Variants in ASCC3 observed in about 807,000 individuals in gnomAD.
The protein encoded by ASCC3 is ASC-1 complex subunit P200.
A neutral mutation model predicts 256.3 loss-of-function variants in ASCC3; 158 were observed. That is an observed-to-expected ratio of 0.62 (90% CI 0.54 to 0.70). ASCC3 has a LOEUF of 0.70. Among genes scored for constraint, ASCC3 ranks in the 30% least tolerant of loss-of-function variants. ASCC3 has a pLI of 0.00. For missense variants in ASCC3, 2,259 were observed against 2,626.0 expected, an observed-to-expected ratio of 0.86 and a Z score of 3.05; for synonymous variants, 948 against 883.4, an observed-to-expected ratio of 1.07 and a Z score of -1.30.
intron 25 of ASCC3, among the ~76,000 whole-genome samples, chr6:100,635,180 A>AAT (rs1452410889): frequency 8.6e-5 from 13 of 151,768 alleles, no homozygotes; most frequent in Non-Finnish European, 1.6e-4. Flanking sequence ...AAGAAATTGT[A>AAT]ATATATATAT....
intron 10 of ASCC3, among the ~76,000 whole-genome samples, chr6:100,736,394 CA>C: frequency 6.6e-6 from 1 of 152,080 alleles, no homozygotes; most frequent in South Asian, 2.1e-4. Flanking sequence ...CCCAGCTACT[CA>C]GAAGCTGAGG....
intron 10 of ASCC3, among the ~76,000 whole-genome samples, chr6:100,764,978 A>G (rs1781583183): frequency 6.6e-6 from 1 of 152,162 alleles, no homozygotes; most frequent in South Asian, 2.1e-4. Flanking sequence ...TAGTATCCTT[A>G]AAAAAGGGGA....
At chr6:100,867,467 C>A (rs1455981934) in intron 2 of ASCC3, among the ~76,000 whole-genome samples, 1 of 152,060 alleles carries the variant, frequency 6.6e-6, no homozygotes, top group Admixed American at 6.5e-5. Context: ...ATGAGATCAG[C>A]CTCTGAGTTC....
At chr6:100,674,730 T>C (rs530675867) in intron 14 of ASCC3, among the ~76,000 whole-genome samples, 1 of 151,700 alleles carries the variant, frequency 6.6e-6, no homozygotes, top group South Asian at 2.1e-4. Flanking sequence ...CCTCCCAAGT[T>C]CAAGCGATTC....
Position 100,509,926 on chromosome 6 carries a change from T to C in ASCC3, c.6461+6A>G, listed in dbSNP as rs779597348. 25 of 1,612,440 alleles carry C rather than the reference T, an allele frequency of 1.6e-5. No individual in the cohort carries two copies. The highest frequency in any genetic ancestry group is 2.1e-5 in the Non-Finnish European group (25 of 1,178,836). On this transcript the variant is annotated splice_donor_region_variant and intron_variant, in intron 41 of 41. Coordinates refer to ENST00000369162, the MANE Select transcript of ASCC3 (RefSeq NM_006828.4). The stretch of plus-strand genomic sequence containing the variant: ...AAGAGAACTTTGGTAGTAGGATTCT[T>C]CTTACCTTCCAGGTATTTCAGGGGT...
chr6:100,723,888 A>AAT lies in ASCC3; in HGVS notation c.1902+1650_1902+1651insAT, dbSNP rs1419554379. 2.7e-5 allele frequency among the ~76,000 whole-genome samples: 3 copies of AAT among 112,918 alleles called. No individual in the cohort carries two copies. In the East Asian group the frequency reaches 9.8e-4, roughly 37 times the overall value. The allele number at this position is 112,918 out of a possible 152,430, so 74.1% of individuals were successfully genotyped here. ...TATATATATATATATATATATATAT[A>AAT]TATATATATTTATAATTATATATAT... On this transcript the variant is annotated intron_variant, in intron 11 of 41. Transcript: ENST00000369162.
chr6:100,798,917 C>T (rs1466315808), intron 7 of ASCC3, 79 bp from the exon 8 acceptor site: 7 of 1,250,394 alleles, frequency 5.6e-6, no homozygotes, highest in Non-Finnish European at 7.9e-6. Context: ...TAGAGAGAGA[C>T]AGAAAACACT....
At position 100,799,471 on chromosome 6, in the gene ASCC3, G is replaced by T. The variant is rs1275511794; in HGVS notation, c.1229C>A (p.Ala410Asp). ...AAATGCTGATGTTTTCATGGCTTCA[G>T]CCTGGGAATCATACACATGGGGATA... The part of the protein sequence containing the change: ...IHYPHVYDSQ[A>D]EAMKTSAFIA... Residue 410 changes from alanine (A) to aspartate (D), a missense_variant, in exon 7 of 42, where the codon GCT (alanine) becomes GAT (aspartate). Ala to Asp is a moderately radical substitution (Grantham distance 126, BLOSUM62 -2). Around this residue, in one of 2 missense-constraint regions of ASCC3, gnomAD observed 1,839 missense variants for 2,206.7 expected, o/e 0.83. Coordinates refer to ENST00000369162, the MANE Select transcript of ASCC3 (RefSeq NM_006828.4). 16 of 1,612,892 alleles carry T rather than the reference G, an allele frequency of 9.9e-6. No homozygotes were observed. Among genetic ancestry groups the T allele is most frequent in the Non-Finnish European group, 1.3e-5 (15 of 1,179,456 alleles).
chr6:100,814,647 A>G (rs941333560), intron 4 of ASCC3, among the ~76,000 whole-genome samples: 2 of 152,108 alleles, frequency 1.3e-5, no homozygotes, highest in Admixed American at 1.3e-4. Flanking sequence ...TAGGGAATCA[A>G]TGTCTTCCTG....
At chr6:100,800,172 C>A (rs976531810) in intron 6 of ASCC3, 128 bp downstream of exon 6, 10 of 984,914 alleles carry the variant, frequency 1.0e-5, no homozygotes, top group Non-Finnish European at 1.5e-5. Flanking sequence ...ATAAAACAAA[C>A]TTCTATGAAG....
At chr6:100,611,677 T>C (rs1773403384) in intron 30 of ASCC3, among the ~76,000 whole-genome samples, 2 of 151,978 alleles carry the variant, frequency 1.3e-5, no homozygotes, top group African/African-American at 2.4e-5. Context: ...CTAAAGAGTA[T>C]AGTTTCTTAG....
At chr6:100,841,686 T>TA (rs5878648) in intron 4 of ASCC3, among the ~76,000 whole-genome samples, 7 of 149,380 alleles carry the variant, frequency 4.7e-5, no homozygotes, top group Admixed American at 6.7e-5. Flanking sequence ...TTGTGCATAT[T>TA]AAAAAAAAAA....
intron 37 of ASCC3, among the ~76,000 whole-genome samples, chr6:100,534,595 AC>A (rs1226080599): frequency 6.6e-6 from 1 of 152,212 alleles, no homozygotes; most frequent in Non-Finnish European, 1.5e-5. Context: ...AATATTGTAA[AC>A]AAATTTTAAA....
At chr6:100,675,901 T>C (rs938598430) in intron 14 of ASCC3, among the ~76,000 whole-genome samples, 4 of 152,162 alleles carry the variant, frequency 2.6e-5, no homozygotes, top group Non-Finnish European at 5.9e-5. Context: ...AGATCTCAAG[T>C]AAAACAGAAT....
intron 20 of ASCC3, among the ~76,000 whole-genome samples, chr6:100,648,840 T>C (rs1332404616): frequency 6.6e-6 from 1 of 151,862 alleles, no homozygotes; most frequent in Non-Finnish European, 1.5e-5. Flanking sequence ...TATGACAAGA[T>C]ACAAACAGGA....
intron 33 of ASCC3, among the ~76,000 whole-genome samples, chr6:100,604,808 T>C (rs898551081): frequency 1.3e-5 from 2 of 152,082 alleles, no homozygotes; most frequent in Non-Finnish European, 2.9e-5. Context: ...CCAACAATTA[T>C]ATACAGGATA....
At chr6:100,834,613 A>G (rs932611074) in intron 4 of ASCC3, among the ~76,000 whole-genome samples, 1 of 152,228 alleles carries the variant, frequency 6.6e-6, no homozygotes, top group Non-Finnish European at 1.5e-5. Context: ...AGATAAGCAT[A>G]GAAGAGACAG....
intron 1 of ASCC3, among the ~76,000 whole-genome samples, chr6:100,874,908 A>G (rs1773924346): frequency 1.3e-5 from 2 of 152,208 alleles, no homozygotes. Context: ...AACAGACTTA[A>G]TTACTTTTAA....
rs1210205453 is a variant in ASCC3 at position 100,718,360 on chromosome 6, T to G, written c.1903-109A>C. The G allele has an allele frequency of 8.0e-6, 7 of 876,598 alleles. No homozygotes were observed. In the East Asian group the frequency reaches 1.9e-4, roughly 24 times the overall value. The allele number at this position is 876,598 out of a possible 1,614,324, so 54.3% of individuals were successfully genotyped here. A position where few individuals can be genotyped will look rare whatever the true frequency, so the allele number is the denominator to read the frequency against. On this transcript the variant is annotated intron_variant, in intron 11 of 41. Coordinates refer to ENST00000369162, the MANE Select transcript of ASCC3 (RefSeq NM_006828.4). ...TCTAAAAACTCTAGACAGAGATGAGTGTAGAGGTCAATTGAGGGTCCTATC... is the reference window on the plus strand; with the variant it reads ...TCTAAAAACTCTAGACAGAGATGAGGGTAGAGGTCAATTGAGGGTCCTATC...
Sources: gnomAD v4.1 joint callset for allele counts (sites outside exome capture counted in the v4.1 genomes callset) on GRCh38, gnomAD v4.1.1 for gene constraint, gnomAD v4.1.1 regional missense constraint, MANE v1.5 for transcripts, NCBI Gene and HGNC (gene_info 2026-07-23, HGNC 2026-07-21) for gene names.